Variants in DOK6 observed in about 807,000 individuals in gnomAD.
DOK6 encodes downstream of tyrosine kinase 6.
DOK6 carries 22 observed loss-of-function variants against 44.0 expected under a neutral mutation model. The ratio of observed to expected loss-of-function variants is 0.50; its 90% CI spans 0.36 to 0.71. DOK6 has a LOEUF of 0.71. Ranked by LOEUF, DOK6 falls within the 30% of genes least tolerant of loss-of-function variation. The pLI is 0.00. For missense variants in DOK6, 340 were observed against 416.4 expected (o/e 0.82, Z 1.60); for synonymous variants, 166 against 145.5 (o/e 1.14, Z -1.01).
intron 5 of DOK6, among the ~76,000 whole-genome samples, chr18:69,700,561 T>G (rs1222636482): frequency 6.6e-6 from 1 of 152,166 alleles, no homozygotes; most frequent in East Asian, 1.9e-4. Flanking sequence ...CTCTGTTTAT[T>G]TCCTTGTCTT....
chr18:69,424,023 T>A (rs996086102), intron 1 of DOK6, among the ~76,000 whole-genome samples: 3 of 152,208 alleles, frequency 2.0e-5, no homozygotes, highest in African/African-American at 7.2e-5. Context: ...TGATTTCCTG[T>A]TTTTGCTCAA....
chr18:69,649,320 T>C (rs774188798), intron 3 of DOK6, among the ~76,000 whole-genome samples: 14 of 152,222 alleles, frequency 9.2e-5, no homozygotes, highest in Non-Finnish European at 1.9e-4. Context: ...AAAGAAATAA[T>C]TTATGTCCAT....
chr18:69,647,831 G>C (rs1184289932), intron 3 of DOK6, among the ~76,000 whole-genome samples: 1 of 152,214 alleles, frequency 6.6e-6, no homozygotes, highest in African/African-American at 2.4e-5. Flanking sequence ...GACAGAAGAA[G>C]TGGTGATGTA....
At chr18:69,783,919 C>T (rs901273417) in intron 7 of DOK6, among the ~76,000 whole-genome samples, 9 of 152,114 alleles carry the variant, frequency 5.9e-5, no homozygotes, top group East Asian at 1.9e-4. Context: ...CTTGGCTGGG[C>T]GTGGTGGTTT....
At chr18:69,573,455 T>C (rs1390122382) in intron 2 of DOK6, among the ~76,000 whole-genome samples, 1 of 152,000 alleles carries the variant, frequency 6.6e-6, no homozygotes, top group Non-Finnish European at 1.5e-5. Context: ...GTTTTTATTA[T>C]TACAACTTTC....
At chr18:69,616,467 T>C (rs887731696) in intron 3 of DOK6, among the ~76,000 whole-genome samples, 1 of 28,640 alleles carries the variant, frequency 3.5e-5, no homozygotes, top group East Asian at 8.8e-4. Flanking sequence ...AAAGCAACTT[T>C]AGAACTAACT....
intron 2 of DOK6, among the ~76,000 whole-genome samples, chr18:69,583,021 A>AT (rs1203404126): frequency 3.3e-5 from 5 of 152,196 alleles, no homozygotes; most frequent in Non-Finnish European, 7.3e-5. Flanking sequence ...TGTAATTAAG[A>AT]TTTTGTATCC....
intron 7 of DOK6, among the ~76,000 whole-genome samples, chr18:69,810,125 A>T (rs1235176974): frequency 6.6e-6 from 1 of 152,110 alleles, no homozygotes; most frequent in Non-Finnish European, 1.5e-5. Flanking sequence ...CACTATTGTA[A>T]AAGCAGACAC....
chr18:69,436,549 C>T (rs1432391462), intron 1 of DOK6, among the ~76,000 whole-genome samples: 1 of 152,140 alleles, frequency 6.6e-6, no homozygotes, highest in African/African-American at 2.4e-5. Context: ...TTTCTTTCTC[C>T]AGTCTATCAT....
chr18:69,754,623 T>C (rs1354381871), intron 6 of DOK6, among the ~76,000 whole-genome samples: 1 of 152,090 alleles, frequency 6.6e-6, no homozygotes, highest in Admixed American at 6.6e-5. Flanking sequence ...CAAAAACCAA[T>C]ATACCTGCAG....
intron 7 of DOK6, among the ~76,000 whole-genome samples, chr18:69,788,404 T>C (rs981985340): frequency 1.3e-5 from 2 of 152,164 alleles, no homozygotes; most frequent in African/African-American, 4.8e-5. Context: ...GCAGCCACAA[T>C]TTGTAAGCAT....
chr18:69,656,644 G>A (rs1349818908), intron 3 of DOK6, among the ~76,000 whole-genome samples: 1 of 152,088 alleles, frequency 6.6e-6, no homozygotes, highest in Non-Finnish European at 1.5e-5. Flanking sequence ...ACTATTTTAA[G>A]AATTTAAAAA....
intron 1 of DOK6, among the ~76,000 whole-genome samples, chr18:69,469,355 T>C (rs1980020448): frequency 6.6e-6 from 1 of 152,116 alleles, no homozygotes. Flanking sequence ...TAATAAACTA[T>C]ATCAAATGCA....
intron 3 of DOK6, among the ~76,000 whole-genome samples, chr18:69,603,821 A>G (rs1247186954): frequency 4.7e-5 from 7 of 150,314 alleles, no homozygotes; most frequent in Non-Finnish European, 8.9e-5. Context: ...AACTTTACTC[A>G]GTTCTTGTTG....
At chr18:69,409,545 A>G (rs1978297859) in intron 1 of DOK6, among the ~76,000 whole-genome samples, 1 of 152,202 alleles carries the variant, frequency 6.6e-6, no homozygotes, top group African/African-American at 2.4e-5. Flanking sequence ...TGCTGAGTGG[A>G]TAGCAGAATG....
intron 4 of DOK6, among the ~76,000 whole-genome samples, chr18:69,691,472 C>T (rs1311808831): frequency 6.6e-6 from 1 of 152,178 alleles, no homozygotes; most frequent in Non-Finnish European, 1.5e-5. Context: ...CTTCTCACCT[C>T]ACCCATGCTG....
chr18:69,430,283 G>T lies in DOK6; in HGVS notation c.66+28973G>T, dbSNP rs1978766727. On this transcript the variant is annotated intron_variant, in intron 1 of 7. Coordinates refer to ENST00000382713, the MANE Select transcript of DOK6 (RefSeq NM_152721.6). ...CCTGTATCTTCAGTCTAAGCATTCA[G>T]AAAGGGACTGTAGTTAATGACAAGG... Among the ~76,000 whole-genome samples, 3 of 152,286 alleles carry T rather than the reference G, an allele frequency of 2.0e-5. No individual in the cohort carries two copies. In the South Asian group the frequency reaches 6.2e-4, roughly 32 times the overall value.
intron 5 of DOK6, among the ~76,000 whole-genome samples, chr18:69,708,968 A>G (rs56776560): frequency 0.016 from 2,452 of 152,270 alleles, 62 homozygotes; most frequent in African/African-American, 0.055. Flanking sequence ...GAAAAATGCT[A>G]AAACACCAGA....
chr18:69,563,377 A>G (rs1982887394), intron 1 of DOK6, among the ~76,000 whole-genome samples: 1 of 152,190 alleles, frequency 6.6e-6, no homozygotes, highest in Non-Finnish European at 1.5e-5. Flanking sequence ...CACTATTCAC[A>G]ATAGCAAAGA....
Sources: allele counts gnomAD v4.1 joint callset (sites outside exome capture counted in the v4.1 genomes callset), GRCh38; gene constraint gnomAD v4.1.1; transcripts MANE v1.5; gene names NCBI Gene and HGNC (gene_info 2026-07-23, HGNC 2026-07-21).